Variants in SLC39A12 observed in about 807,000 individuals in gnomAD.
The protein encoded by SLC39A12 is solute carrier family 39 member 12, also known as zinc transporter ZIP12.
A neutral mutation model predicts 71.1 loss-of-function variants in SLC39A12; 63 were observed. The ratio of observed to expected loss-of-function variants is 0.89; its 90% CI spans 0.72 to 1.09. SLC39A12 has a LOEUF of 1.09. Among genes scored for constraint, SLC39A12 ranks in the 50% least tolerant of loss-of-function variants. SLC39A12 has a pLI of 0.00. For missense variants in SLC39A12, 892 were observed against 812.6 expected, an observed-to-expected ratio of 1.10 and a Z score of -1.19; for synonymous variants, 351 against 301.3, an observed-to-expected ratio of 1.16 and a Z score of -1.71.
chr10:18,003,471 C>A, intron 12 of SLC39A12, 113 bp downstream of exon 12: 1 of 946,824 alleles, frequency 1.1e-6, no homozygotes, highest in Non-Finnish European at 1.5e-6. Flanking sequence ...ATTTATAAAA[C>A]AATATAAACC....
intron 4 of SLC39A12, among the ~76,000 whole-genome samples, chr10:17,973,033 A>C (rs990937338): frequency 2.0e-5 from 3 of 152,112 alleles, no homozygotes; most frequent in Non-Finnish European, 4.4e-5. Context: ...TGAGATTTGC[A>C]AATACTATCT....
chr10:17,982,878 C>T (rs1835297112), intron 6 of SLC39A12, among the ~76,000 whole-genome samples: 1 of 152,112 alleles, frequency 6.6e-6, no homozygotes, highest in South Asian at 2.1e-4. Flanking sequence ...AACCTCCCAA[C>T]ATGTCACACT....
chr10:17,964,764 A>G (rs766880590), intron 3 of SLC39A12, among the ~76,000 whole-genome samples: 1 of 152,246 alleles, frequency 6.6e-6, no homozygotes, highest in Non-Finnish European at 1.5e-5. Context: ...GCAAGGCAGC[A>G]GAGCCTGTGT....
At chr10:17,958,293 T>A (rs1316729246) in intron 2 of SLC39A12, among the ~76,000 whole-genome samples, 1 of 152,158 alleles carries the variant, frequency 6.6e-6, no homozygotes, top group Non-Finnish European at 1.5e-5. Context: ...CATGGCCCCA[T>A]GAGCGTCCTA....
chr10:17,965,422 T>C (rs1589221476), intron 3 of SLC39A12, 61 bp from the exon 4 acceptor site: 5 of 1,482,434 alleles, frequency 3.4e-6, no homozygotes, highest in East Asian at 4.6e-5. Flanking sequence ...ATTTCAGAGA[T>C]GTTAGAATCA....
chr10:17,967,713 C>A (rs1046639421), intron 4 of SLC39A12, among the ~76,000 whole-genome samples: 1 of 151,472 alleles, frequency 6.6e-6, no homozygotes, highest in Non-Finnish European at 1.5e-5. Flanking sequence ...GAAACCCAGT[C>A]TCTACTAAAA....
chr10:18,016,615 A>G (rs1234539484), intron 12 of SLC39A12, among the ~76,000 whole-genome samples: 1 of 152,240 alleles, frequency 6.6e-6, no homozygotes, highest in African/African-American at 2.4e-5. Context: ...GTAAGAAGCT[A>G]CCAAACTGTC....
At chr10:18,014,918 A>C (rs1836332973) in intron 12 of SLC39A12, among the ~76,000 whole-genome samples, 1 of 152,210 alleles carries the variant, frequency 6.6e-6, no homozygotes, top group African/African-American at 2.4e-5. Flanking sequence ...TCATGTTTCT[A>C]ACTATCTGCA....
At chr10:17,992,827 C>T (rs1204741103) in intron 8 of SLC39A12, among the ~76,000 whole-genome samples, 6 of 152,154 alleles carry the variant, frequency 3.9e-5, no homozygotes, top group African/African-American at 1.4e-4. Flanking sequence ...ACTGCAAATG[C>T]TTTACTTGAT....
chr10:17,975,083 A>G (rs1315908742), intron 4 of SLC39A12, among the ~76,000 whole-genome samples: 1 of 152,140 alleles, frequency 6.6e-6, no homozygotes, highest in Non-Finnish European at 1.5e-5. Context: ...ACTACTGCCA[A>G]TGTTCCCTTA....
chr10:18,011,420 T>C (rs1235840274), intron 12 of SLC39A12, among the ~76,000 whole-genome samples: 3 of 152,198 alleles, frequency 2.0e-5, no homozygotes, highest in Non-Finnish European at 4.4e-5. Context: ...CATTTTCTTT[T>C]CTCTAGCTTA....
intron 4 of SLC39A12, among the ~76,000 whole-genome samples, chr10:17,972,284 C>T (rs778151545): frequency 6.6e-6 from 1 of 152,136 alleles, no homozygotes; most frequent in Non-Finnish European, 1.5e-5. Context: ...CACCCATGTG[C>T]TGAAGAAAAG....
rs150825970 is a variant in SLC39A12, at chr10:17,971,677, T to A, written c.751+5987T>A. Among the ~76,000 whole-genome samples, 856 of 152,274 alleles carry A rather than the reference T, an allele frequency of 5.6e-3. 11 individuals carry two copies. The highest frequency in any genetic ancestry group is 0.02 in the African/African-American group (813 of 41,570). ...TTTTGAATTTCTGCAGTATCAGTTG[T>A]AATGTCTCTTTTTTCATTTCTGATT... On this transcript the variant is annotated intron_variant, in intron 4 of 12. Coordinates refer to ENST00000377369, the MANE Select transcript of SLC39A12 (RefSeq NM_001145195.2).
In SLC39A12 at chr10:17,985,111, A is replaced by T. The variant is rs191258642; in HGVS notation, c.1097-2368A>T. 2.1e-3 allele frequency among the ~76,000 whole-genome samples: 324 copies of T among 152,276 alleles called. 1 individual carries two copies. The highest frequency in any genetic ancestry group is 4.5e-3 in the Admixed American group (69 of 15,296). On this transcript the variant is annotated intron_variant, in intron 6 of 12. Coordinates refer to ENST00000377369, the MANE Select transcript of SLC39A12 (RefSeq NM_001145195.2). ...GTAATTTCAGCTCTTTGGGAGGCCA[A>T]GGTGGTGGATCATTTGAGGTCAGGA...
intron 5 of SLC39A12, among the ~76,000 whole-genome samples, chr10:17,980,410 C>A (rs1276505262): frequency 6.6e-6 from 1 of 152,134 alleles, no homozygotes; most frequent in African/African-American, 2.4e-5. Context: ...CAATACCTTA[C>A]TGATCGCAAC....
At chr10:17,969,477 C>T (rs914076184) in intron 4 of SLC39A12, among the ~76,000 whole-genome samples, 28 of 152,220 alleles carry the variant, frequency 1.8e-4, no homozygotes, top group African/African-American at 6.0e-4. Flanking sequence ...TTGGCTATAA[C>T]CCGTTTTAAC....
At position 18,000,130 on chromosome 10, in the gene SLC39A12, G is replaced by A. The variant is rs116567906; in HGVS notation, c.1601-537G>A. Among the ~76,000 whole-genome samples the A allele has an allele frequency of 2.7e-3, 411 of 152,250 alleles. 1 individual carries two copies. Among genetic ancestry groups the A allele is most frequent in the African/African-American group, 9.4e-3 (391 of 41,534 alleles). ...AGCCAACTTTCTGGTTGTAGATGGC[G>A]CCTTCCTGCAGTGGGAAGTGGCAGA... is the stretch of plus-strand genomic sequence containing the variant. On this transcript the variant is annotated intron_variant, in intron 10 of 12. Coordinates refer to ENST00000377369, the MANE Select transcript of SLC39A12 (RefSeq NM_001145195.2).
chr10:17,993,950 G>C (rs993320902), intron 9 of SLC39A12, among the ~76,000 whole-genome samples: 2 of 152,138 alleles, frequency 1.3e-5, no homozygotes, highest in Admixed American at 6.5e-5. Flanking sequence ...AAGAGTTTAC[G>C]GTGTAAGGAC....
chr10:17,985,221 T>C (rs1835370006), intron 6 of SLC39A12, among the ~76,000 whole-genome samples: 1 of 152,146 alleles, frequency 6.6e-6, no homozygotes, highest in African/African-American at 2.4e-5. Flanking sequence ...TGGGCACCTG[T>C]AGTCCCAGCT....
Sources: allele counts gnomAD v4.1 joint callset (sites outside exome capture counted in the v4.1 genomes callset), GRCh38; gene constraint gnomAD v4.1.1; transcripts MANE v1.5; gene names NCBI Gene and HGNC (gene_info 2026-07-23, HGNC 2026-07-21).